The following ZNF385D variants were observed in gnomAD, a reference collection of about 807,000 sequenced individuals.
ZNF385D encodes the protein zinc finger protein 659.
Under a neutral mutation model 35.8 loss-of-function variants are expected in ZNF385D, and 15 were observed. The ratio of observed to expected loss-of-function variants is 0.42; its 90% CI spans 0.28 to 0.64. ZNF385D has a LOEUF of 0.64. Ranked by LOEUF, ZNF385D falls within the 30% of genes least tolerant of loss-of-function variation. The probability of loss-of-function intolerance (pLI) is 0.23; values close to 1 mark genes in which losing one functional copy is unlikely to be tolerated. For missense variants in ZNF385D, 474 were observed against 494.6 expected (o/e 0.96, Z 0.39); for synonymous variants, 212 against 186.8 (o/e 1.13, Z -1.10).
chr3:21,736,238 G>A (rs535080446), intron 1 of ZNF385D, among the ~76,000 whole-genome samples: 1 of 152,294 alleles, frequency 6.6e-6, no homozygotes, highest in African/African-American at 2.4e-5. Context: ...TCAATAGATG[G>A]TGACATCATC....
chr3:22,212,863 C>T (rs1697615309), intron 2 of ZNF385D, among the ~76,000 whole-genome samples: 1 of 151,826 alleles, frequency 6.6e-6, no homozygotes, highest in African/African-American at 2.4e-5. Context: ...TTAAGTAATA[C>T]TTAATTTCAA....
At chr3:21,704,073 G>T (rs2067805533) in intron 1 of ZNF385D, among the ~76,000 whole-genome samples, 1 of 152,166 alleles carries the variant, frequency 6.6e-6, no homozygotes, top group Non-Finnish European at 1.5e-5. Context: ...TGCTTTTCAA[G>T]TTAAAAGCAA....
chr3:22,117,466 G>T (rs1002651195), intron 3 of ZNF385D, among the ~76,000 whole-genome samples: 1 of 151,970 alleles, frequency 6.6e-6, no homozygotes, highest in Non-Finnish European at 1.5e-5. Context: ...CTGGCTTGAG[G>T]AGGAAAAGAC....
chr3:21,883,030 G>A lies in ZNF385D; in HGVS notation c.326-218002C>T, dbSNP rs563249285. 7.9e-5 allele frequency among the ~76,000 whole-genome samples: 12 copies of A among 152,030 alleles called. No homozygotes were observed. The South Asian group carries it at 2.3e-3, about 29-fold the overall frequency. On this transcript the variant is annotated intron_variant, in intron 3 of 5. Coordinates refer to the ZNF385D transcript ENST00000494108. Reference sequence around the variant, plus strand: ...TAAAATATCATTCTGAGAAAATATTGATGCTTATTTGGAGGTGACAGATTT... The same window carrying A: ...TAAAATATCATTCTGAGAAAATATTAATGCTTATTTGGAGGTGACAGATTT...
intron 3 of ZNF385D, among the ~76,000 whole-genome samples, chr3:21,759,455 G>A (rs1277008370): frequency 1.3e-5 from 2 of 151,988 alleles, no homozygotes; most frequent in African/African-American, 2.4e-5. Flanking sequence ...CAAGGAAAAA[G>A]GCTTAAATTT....
At chr3:22,179,321 C>T (rs1324385687) in intron 2 of ZNF385D, among the ~76,000 whole-genome samples, 2 of 152,114 alleles carry the variant, frequency 1.3e-5, no homozygotes, top group African/African-American at 4.8e-5. Flanking sequence ...AGTTGGATTC[C>T]TAGGTATTTT....
intron 3 of ZNF385D, among the ~76,000 whole-genome samples, chr3:21,920,025 G>A (rs1222103443): frequency 6.6e-6 from 1 of 152,140 alleles, no homozygotes; most frequent in African/African-American, 2.4e-5. Flanking sequence ...ATTTCCAGGG[G>A]TTGAGAAAAT....
intron 2 of ZNF385D, among the ~76,000 whole-genome samples, chr3:22,277,953 T>G (rs1701515809): frequency 6.6e-6 from 1 of 152,110 alleles, no homozygotes; most frequent in Non-Finnish European, 1.5e-5. Context: ...ATATGTTTAG[T>G]ATTTTAAACC....
chr3:21,573,912 T>C (rs917156094), intron 2 of ZNF385D, among the ~76,000 whole-genome samples: 6 of 151,890 alleles, frequency 4.0e-5, no homozygotes, highest in Non-Finnish European at 8.8e-5. Context: ...ATACAAAAAT[T>C]AGCTGGGTGT....
chr3:21,922,698 T>C (rs1329449301), intron 3 of ZNF385D, among the ~76,000 whole-genome samples: 5 of 152,050 alleles, frequency 3.3e-5, no homozygotes, highest in Non-Finnish European at 7.4e-5. Context: ...GAAGAAAACC[T>C]AGGAAACACC....
intron 3 of ZNF385D, among the ~76,000 whole-genome samples, chr3:21,971,806 G>A (rs373679502): frequency 6.6e-5 from 10 of 151,834 alleles, no homozygotes; most frequent in East Asian, 3.9e-4. Flanking sequence ...AAAAAGAGCA[G>A]GAGTGGCTAT....
chr3:22,141,433 A>C (rs193260833), intron 3 of ZNF385D, among the ~76,000 whole-genome samples: 1 of 152,316 alleles, frequency 6.6e-6, no homozygotes, highest in South Asian at 2.1e-4. Context: ...CACTGTTATA[A>C]ATCTTGATTT....
chr3:21,589,817 A>C (rs540509265), intron 2 of ZNF385D, among the ~76,000 whole-genome samples: 1 of 152,194 alleles, frequency 6.6e-6, no homozygotes, highest in Non-Finnish European at 1.5e-5. Context: ...AAAGATTTAC[A>C]TACATTTAAA....
At chr3:22,005,610 A>G (rs1696153336) in intron 3 of ZNF385D, among the ~76,000 whole-genome samples, 1 of 152,130 alleles carries the variant, frequency 6.6e-6, no homozygotes, top group Non-Finnish European at 1.5e-5. Flanking sequence ...ATAAGTATGT[A>G]TAATTATTAT....
chr3:22,103,304 A>C, intron 3 of ZNF385D, among the ~76,000 whole-genome samples: 1 of 151,930 alleles, frequency 6.6e-6, no homozygotes, highest in Admixed American at 6.6e-5. Flanking sequence ...TGGGCTCACA[A>C]GTGCTTACGA....
At chr3:21,613,277 A>G (rs1459589945) in intron 2 of ZNF385D, among the ~76,000 whole-genome samples, 2 of 152,166 alleles carry the variant, frequency 1.3e-5, no homozygotes, top group Non-Finnish European at 2.9e-5. Flanking sequence ...CCTATTCTAA[A>G]AATGCCTGGG....
At chr3:22,202,865 T>A (rs928088739) in intron 2 of ZNF385D, among the ~76,000 whole-genome samples, 4 of 152,226 alleles carry the variant, frequency 2.6e-5, no homozygotes, top group African/African-American at 7.2e-5. Context: ...CAGAGGGGAA[T>A]CACCCATTCC....
chr3:21,885,060 C>A (rs1043254827), intron 3 of ZNF385D, among the ~76,000 whole-genome samples: 21 of 151,958 alleles, frequency 1.4e-4, no homozygotes, highest in Non-Finnish European at 3.1e-4. Context: ...TAGTTACTAT[C>A]TGGCTGTTTA....
intron 3 of ZNF385D, among the ~76,000 whole-genome samples, chr3:21,759,003 A>AAAAAAAC (rs2070480642): frequency 1.4e-5 from 2 of 143,056 alleles, no homozygotes; most frequent in Admixed American, 1.4e-4. Flanking sequence ...AAAAAAAAAA[A>AAAAAAAC]AAACAGTGGT....
Sources: gnomAD v4.1 joint callset for allele counts (sites outside exome capture counted in the v4.1 genomes callset) on GRCh38, gnomAD v4.1.1 for gene constraint, MANE v1.5 for transcripts, NCBI Gene and HGNC (gene_info 2026-07-23, HGNC 2026-07-21) for gene names.